Variants in SLC2A9 observed in about 807,000 individuals in gnomAD.
The protein encoded by SLC2A9 is solute carrier family 2, facilitated glucose transporter member 9.
In SLC2A9, 39 loss-of-function variants were observed where a neutral mutation model predicts 50.6. The ratio of observed to expected loss-of-function variants is 0.77; its 90% CI spans 0.60 to 1.01. SLC2A9 has a LOEUF of 1.01. SLC2A9 is among the 50% of genes least tolerant of loss of function. The pLI, the probability that SLC2A9 is intolerant of heterozygous loss-of-function variation, is 0.00. For synonymous variants in SLC2A9, 324 were observed against 276.9 expected (o/e 1.17, Z -1.69); for missense variants, 686 against 677.6 (o/e 1.01, Z -0.14).
intron 6 of SLC2A9, among the ~76,000 whole-genome samples, chr4:9,922,575 C>T (rs1744137447): frequency 1.3e-5 from 2 of 152,080 alleles, no homozygotes; most frequent in South Asian, 4.2e-4. Flanking sequence ...CAGAGTGACC[C>T]CCAGCCTATG....
chr4:9,862,727 A>G (rs532205212), intron 10 of SLC2A9, among the ~76,000 whole-genome samples: 26 of 151,888 alleles, frequency 1.7e-4, no homozygotes, highest in African/African-American at 6.3e-4. Flanking sequence ...TCCTGTCCAT[A>G]TCACAAAAGC....
At chr4:9,814,343 C>T (rs770287384) in intron 3 of SLC2A9, among the ~76,000 whole-genome samples, 10 of 152,140 alleles carry the variant, frequency 6.6e-5, no homozygotes, top group East Asian at 1.9e-4. Flanking sequence ...GCTCAAAAAA[C>T]GTCTGGTAGA....
chr4:10,023,221 C>A (rs1763629964), upstream of SLC2A9, among the ~76,000 whole-genome samples: 1 of 152,120 alleles, frequency 6.6e-6, no homozygotes, highest in African/African-American at 2.4e-5. Flanking sequence ...GGCACAGATG[C>A]CTGCAGTGTG....
At chr4:9,835,137 A>C in intron 10 of SLC2A9, 129 bp from the exon 11 acceptor site, 1 of 1,301,054 alleles carries the variant, frequency 7.7e-7, no homozygotes, top group East Asian at 2.4e-5. Context: ...AGTGGGCCCC[A>C]GTTCCTGAGT....
chr4:9,856,301 A>G (rs1408412593), intron 10 of SLC2A9, among the ~76,000 whole-genome samples: 1 of 152,218 alleles, frequency 6.6e-6, no homozygotes, highest in Admixed American at 6.5e-5. Context: ...AAAAATGGGC[A>G]AAGGACATGA....
rs758399101 is a variant in SLC2A9, at chr4:9,941,962, G to A, written c.765C>T (p.Ser255=). The stretch of plus-strand genomic sequence containing the variant: ...GCTTCTCCAAGAGCAGGTAGCGTGG[G>A]CTGTCCGGGAGAAAGGGAAGGCTCA... ...QLLSLPFLPD[S]PRYLLLEKHN... is the part of the protein sequence containing the mutation. Residue 255 remains serine, a synonymous_variant, in exon 6 of 12, where the codon AGC becomes AGT. Transcript: ENST00000264784. 2 of 1,614,202 alleles carry A rather than the reference G, an allele frequency of 1.2e-6. No homozygotes were observed. Among genetic ancestry groups the A allele is most frequent in the Non-Finnish European group, 1.7e-6 (2 of 1,180,028 alleles).
downstream of SLC2A9, among the ~76,000 whole-genome samples, chr4:9,776,195 T>G (rs1002241921): frequency 6.6e-6 from 1 of 151,324 alleles, no homozygotes; most frequent in East Asian, 1.9e-4. Context: ...TTCTTTTTTT[T>G]TTTTTTTGAC....
intron 11 of SLC2A9, among the ~76,000 whole-genome samples, chr4:9,830,526 G>T (rs943617750): frequency 1.3e-5 from 2 of 152,130 alleles, no homozygotes; most frequent in African/African-American, 4.8e-5. Context: ...TAGAATAAAA[G>T]TTGAAGAAAA....
rs755915063 is a variant in SLC2A9 at position 9,834,899 on chromosome 4, G to A, written c.1401C>T (p.Leu467=). ...GTCATACCTGAATGAATGGGAAGAG[G>A]AGCCCAACAGCAAAGTTGGAGAGCC... is the stretch of plus-strand genomic sequence containing the variant. ...VNWLSNFAVG[L]LFPFIQKSLD... Residue 467 remains leucine, a synonymous_variant, in exon 11 of 12, where the codon CTC becomes CTT. Transcript: ENST00000264784. 3 of 1,614,146 alleles carry A rather than the reference G, an allele frequency of 1.9e-6. No individual in the cohort carries two copies. Among genetic ancestry groups the A allele is most frequent in the East Asian group, 2.2e-5 (1 of 44,876 alleles).
chr4:9,996,937 A>C lies in SLC2A9; in HGVS notation c.254T>G (p.Ile85Ser), dbSNP rs1286927456. ...CCATGACTCATTGTAAAAGGCCTTG[A>C]TGTACTGAAAATAAACAACAAACCA... Reference protein sequence around the residue: ...LSVVNAPTPYIKAFYNESWER... With the variant: ...LSVVNAPTPYSKAFYNESWER... Residue 85 changes from isoleucine to serine, a missense_variant, in exon 3 of 12, where the codon ATC becomes AGC. Physicochemically the swap from Ile to Ser is moderately radical, Grantham distance 142. Transcript: ENST00000264784. 1 of 1,613,916 alleles carries C rather than the reference A, an allele frequency of 6.2e-7. No individual in the cohort carries two copies. Among genetic ancestry groups the C allele is most frequent in the African/African-American group, 1.3e-5 (1 of 75,024 alleles).
downstream of SLC2A9, among the ~76,000 whole-genome samples, chr4:9,778,089 C>A (rs534372752): frequency 7.9e-6 from 1 of 127,224 alleles, no homozygotes; most frequent in East Asian, 2.1e-4. Context: ...TCCTTCCTTC[C>A]TTCCTTCCTT....
At chr4:9,831,873 CATCCACCCACTCCCTTCGGACCTCAGCAT>C (rs1726204397) in intron 11 of SLC2A9, among the ~76,000 whole-genome samples, 1 of 152,212 alleles carries the variant, frequency 6.6e-6, no homozygotes, top group Non-Finnish European at 1.5e-5. Context: ...GCTGTCTGCT[CATCCACCCACTCCCTTCGGACCTCAGCAT>C]GAGCTGGAAC....
At chr4:9,842,987 T>C (rs1039275025) in intron 10 of SLC2A9, among the ~76,000 whole-genome samples, 16 of 152,092 alleles carry the variant, frequency 1.1e-4, no homozygotes, top group Non-Finnish European at 7.4e-5. Flanking sequence ...TTAATCCAAC[T>C]GGGACCCTCG....
At chr4:9,780,834 T>G (rs1237863241) in intron 3 of SLC2A9, among the ~76,000 whole-genome samples, 4 of 152,194 alleles carry the variant, frequency 2.6e-5, no homozygotes, top group Non-Finnish European at 4.4e-5. Context: ...GTTCCTTTTC[T>G]GTTAAACACT....
At chr4:9,891,669 G>A (rs558407892) in intron 8 of SLC2A9, among the ~76,000 whole-genome samples, 1 of 152,350 alleles carries the variant, frequency 6.6e-6, no homozygotes, top group Admixed American at 6.5e-5. Flanking sequence ...CACAGAGCAA[G>A]TAGGTGAGAG....
chr4:9,934,432 C>T (rs1426405782), intron 6 of SLC2A9, among the ~76,000 whole-genome samples: 1 of 152,196 alleles, frequency 6.6e-6, no homozygotes, highest in Admixed American at 6.5e-5. Flanking sequence ...TGTCCCAAAA[C>T]AGCTATGTCC....
At chr4:9,792,713 C>G (rs1477480696) in intron 3 of SLC2A9, 2 of 152,278 alleles carry the variant, frequency 1.3e-5, no homozygotes, top group African/African-American at 4.8e-5. Context: ...TGCGAGCACA[C>G]AACTGCACAA....
intron 8 of SLC2A9, among the ~76,000 whole-genome samples, chr4:9,893,118 T>C (rs1041668932): frequency 3.3e-5 from 5 of 152,160 alleles, no homozygotes; most frequent in African/African-American, 1.2e-4. Context: ...TTTCTTGACA[T>C]TAAACTAGAA....
chr4:9,905,545 C>T (rs1185551517), intron 8 of SLC2A9, among the ~76,000 whole-genome samples: 2 of 152,226 alleles, frequency 1.3e-5, no homozygotes, highest in Non-Finnish European at 2.9e-5. Flanking sequence ...CCTTCCCTTC[C>T]AGGACTGTGA....
Sources: allele counts gnomAD v4.1 joint callset (sites outside exome capture counted in the v4.1 genomes callset), GRCh38; gene constraint gnomAD v4.1.1; transcripts MANE v1.5; gene names NCBI Gene and HGNC (gene_info 2026-07-23, HGNC 2026-07-21).